Variants in DOCK3 observed in about 807,000 individuals in gnomAD.
DOCK3 encodes dedicator of cytokinesis protein 3.
In DOCK3, 60 loss-of-function variants were observed where a neutral mutation model predicts 265.6. The observed-to-expected ratio is 0.23, with a 90% CI of 0.18 to 0.28. DOCK3 has a LOEUF of 0.28. Ranked by LOEUF, DOCK3 falls within the 10% of genes least tolerant of loss-of-function variation. DOCK3 has a pLI of 1.00. For missense variants in DOCK3, 1,981 were observed against 2,594.3 expected, an observed-to-expected ratio of 0.76 and a Z score of 5.14; for synonymous variants, 881 against 938.0, an observed-to-expected ratio of 0.94 and a Z score of 1.11.
chr3:51,372,434 G>T (rs548829901), intron 49 of DOCK3, among the ~76,000 whole-genome samples: 1 of 152,234 alleles, frequency 6.6e-6, no homozygotes, highest in Non-Finnish European at 1.5e-5. Context: ...CCATAGCCCA[G>T]AGAGACCACC....
intron 1 of DOCK3, among the ~76,000 whole-genome samples, chr3:50,744,034 T>C (rs1231794566): frequency 6.6e-6 from 1 of 152,256 alleles, no homozygotes; most frequent in Non-Finnish European, 1.5e-5. Flanking sequence ...ATTTTCCTAA[T>C]GAGTAATGAT....
At chr3:51,258,626 C>T (rs1184533604) in intron 22 of DOCK3, among the ~76,000 whole-genome samples, 1 of 152,078 alleles carries the variant, frequency 6.6e-6, no homozygotes, top group Non-Finnish European at 1.5e-5. Context: ...GCCTCAGCCT[C>T]CCGAGTACAT....
At chr3:50,994,358 G>T (rs553598149) in intron 5 of DOCK3, among the ~76,000 whole-genome samples, 2 of 152,152 alleles carry the variant, frequency 1.3e-5, no homozygotes, top group Admixed American at 6.5e-5. Context: ...TGTGAGATAA[G>T]TATTGTTAGT....
In DOCK3 at chr3:51,237,587, A is replaced by G. The variant is rs748262338; in HGVS notation, c.2099A>G (p.Tyr700Cys). The G allele has an allele frequency of 5.0e-6, 8 of 1,612,422 alleles. No homozygotes were observed. The highest frequency in any genetic ancestry group is 3.4e-6 in the Non-Finnish European group (4 of 1,179,114). Residue 700 changes from tyrosine to cysteine, a missense_variant, in exon 21 of 53, where the codon TAC becomes TGC. This residue lies in a region of DOCK3 where 1,357 missense variants were observed against 1,866.8 expected (regional missense o/e 0.73). Transcript: ENST00000266037. ...IQKHFAGALA[Y>C]KELIRCLKWY... is the part of the protein sequence containing the mutation. ...AAGCACTTTGCTGGAGCTCTGGCAT[A>G]CAAGTAAGTTCCATTTGGTATCATC...
chr3:50,701,243 G>A (rs1379585402), intron 1 of DOCK3, among the ~76,000 whole-genome samples: 2 of 149,878 alleles, frequency 1.3e-5, no homozygotes, highest in Non-Finnish European at 3.0e-5. Flanking sequence ...CCATTCTCTT[G>A]AGTAGCTAGG....
In DOCK3 at chr3:51,361,968, G is replaced by A. The variant is rs2086769134; in HGVS notation, c.5116G>A (p.Ala1706Thr). ...VMLGDGSMGD[A>T]PEDLYHHMQL... ...GCTGGGTGACGGCTCCATGGGTGAT[G>A]CTCCTGAGGACCTGTACCACCACAT... is the stretch of plus-strand genomic sequence containing the variant. The change falls in exon 48 of 53, where the codon GCT becomes ACT. Residue 1706 changes from alanine (A) to threonine (T), a missense_variant. Physicochemically the swap from Ala to Thr is moderately conservative, Grantham distance 58. Around this residue, in one of 4 missense-constraint regions of DOCK3, gnomAD observed 1,357 missense variants for 1,866.8 expected, o/e 0.73. Coordinates refer to ENST00000266037, the MANE Select transcript of DOCK3 (RefSeq NM_004947.5). The surrounding 1 kb of genome is among the most constrained non-coding windows in gnomAD (Gnocchi z 4.2). 2 of 1,610,470 alleles carry A rather than the reference G, an allele frequency of 1.2e-6. No individual in the cohort carries two copies. Among genetic ancestry groups the A allele is most frequent in the Non-Finnish European group, 1.7e-6 (2 of 1,178,424 alleles).
At chr3:50,980,436 C>G (rs962615127) in intron 5 of DOCK3, among the ~76,000 whole-genome samples, 1 of 151,932 alleles carries the variant, frequency 6.6e-6, no homozygotes, top group African/African-American at 2.4e-5. Flanking sequence ...TGTGTGTGTT[C>G]TTGTCTGGTT....
intron 5 of DOCK3, among the ~76,000 whole-genome samples, chr3:50,987,657 A>G (rs2077951059): frequency 6.6e-6 from 1 of 152,224 alleles, no homozygotes; most frequent in Non-Finnish European, 1.5e-5. Flanking sequence ...AGGTACTCAC[A>G]TTAGGACTAA....
At chr3:50,808,172 ACATT>A (rs1423259345) in intron 2 of DOCK3, among the ~76,000 whole-genome samples, 5 of 152,262 alleles carry the variant, frequency 3.3e-5, no homozygotes, top group African/African-American at 4.8e-5. Flanking sequence ...AAAATACAAG[ACATT>A]CATGTTGAAA....
intron 21 of DOCK3, among the ~76,000 whole-genome samples, chr3:51,240,581 G>A (rs556888988): frequency 1.4e-4 from 21 of 152,246 alleles, no homozygotes; most frequent in Non-Finnish European, 2.5e-4. Context: ...CTCTTTGAAG[G>A]TCTCTAAGAA....
chr3:50,881,259 T>G (rs2048006020), intron 3 of DOCK3: 1 of 152,186 alleles, frequency 6.6e-6, no homozygotes, highest in Non-Finnish European at 1.5e-5. Context: ...TTCAGCATAG[T>G]GTTGGAAGTT....
At chr3:51,160,991 G>T (rs539591535) in intron 12 of DOCK3, among the ~76,000 whole-genome samples, 75 of 151,388 alleles carry the variant, frequency 5.0e-4, no homozygotes, top group African/African-American at 1.7e-3. Flanking sequence ...CAGGAGAATT[G>T]CTTGAACCTG....
intron 19 of DOCK3, among the ~76,000 whole-genome samples, chr3:51,234,140 C>A: frequency 6.6e-6 from 1 of 152,156 alleles, no homozygotes; most frequent in East Asian, 1.9e-4. Context: ...TTCTCCACAT[C>A]CTCACCAACA....
intron 9 of DOCK3, among the ~76,000 whole-genome samples, chr3:51,114,885 C>T (rs750626188): frequency 4.0e-4 from 61 of 151,360 alleles, no homozygotes; most frequent in Non-Finnish European, 5.6e-4. Flanking sequence ...CTCCCACTTA[C>T]GAGTGAGAAC....
chr3:50,944,032 A>G (rs2076366274), intron 5 of DOCK3, among the ~76,000 whole-genome samples: 1 of 152,204 alleles, frequency 6.6e-6, no homozygotes, highest in Admixed American at 6.5e-5. Context: ...GTCTCTCCAG[A>G]TATGCATAAT....
intron 4 of DOCK3, among the ~76,000 whole-genome samples, chr3:50,912,710 C>G (rs143376101): frequency 6.7e-6 from 1 of 149,340 alleles, no homozygotes; most frequent in East Asian, 2.2e-4. Flanking sequence ...AAACCTCACC[C>G]TGTAGCCACT....
intron 12 of DOCK3, among the ~76,000 whole-genome samples, chr3:51,205,728 A>G (rs1372095250): frequency 6.6e-6 from 1 of 152,178 alleles, no homozygotes; most frequent in Non-Finnish European, 1.5e-5. Context: ...ATAGAAAGAA[A>G]GAATTCATTG....
chr3:51,370,474 G>C (rs2110482513), intron 49 of DOCK3, among the ~76,000 whole-genome samples: 1 of 152,304 alleles, frequency 6.6e-6, no homozygotes, highest in South Asian at 2.1e-4. Context: ...GTCCTGAAAA[G>C]AAGAAAGAGG....
At chr3:51,077,569 G>C (rs186849283) in intron 7 of DOCK3, among the ~76,000 whole-genome samples, 1 of 152,290 alleles carries the variant, frequency 6.6e-6, no homozygotes, top group Admixed American at 6.5e-5. Context: ...AAATTGCCAT[G>C]TGTGTTTGTA....
Sources: gnomAD v4.1 joint callset for allele counts (sites outside exome capture counted in the v4.1 genomes callset) on GRCh38, gnomAD v4.1.1 for gene constraint, gnomAD v4.1.1 regional missense constraint, Gnocchi (gnomAD v3.1) non-coding constraint, MANE v1.5 for transcripts, NCBI Gene and HGNC (gene_info 2026-07-23, HGNC 2026-07-21) for gene names.